The following ANAPC1 variants were observed in gnomAD, a reference collection of about 807,000 sequenced individuals.
The protein encoded by ANAPC1 is anaphase promoting complex subunit 1, also known as anaphase-promoting complex subunit 1.
A neutral mutation model predicts 208.0 loss-of-function variants in ANAPC1; 36 were observed. The ratio of observed to expected loss-of-function variants is 0.17; its 90% CI spans 0.13 to 0.23. ANAPC1 has a LOEUF of 0.23. Ranked by LOEUF, ANAPC1 falls within the 10% of genes least tolerant of loss-of-function variation. ANAPC1 has a pLI of 1.00. For missense variants in ANAPC1, 942 were observed against 2,011.6 expected (o/e 0.47, Z 10.17); for synonymous variants, 378 against 695.2 (o/e 0.54, Z 7.18).
chr2:111,840,879 C>T (rs1680725444), intron 17 of ANAPC1, among the ~76,000 whole-genome samples: 1 of 152,102 alleles, frequency 6.6e-6, no homozygotes, highest in Non-Finnish European at 1.5e-5. Context: ...CCCGTCTCTA[C>T]TAAAAATAAA....
At chr2:111,788,011 TGA>T (rs1179191546) in intron 39 of ANAPC1, among the ~76,000 whole-genome samples, 1 of 151,100 alleles carries the variant, frequency 6.6e-6, no homozygotes, top group African/African-American at 2.4e-5. Context: ...TCTATAGATC[TGA>T]GAATGGTGGA....
At chr2:111,837,795 C>T (rs576859702) in intron 18 of ANAPC1, among the ~76,000 whole-genome samples, 12 of 151,884 alleles carry the variant, frequency 7.9e-5, no homozygotes, top group African/African-American at 2.7e-4. Context: ...AAGAATAATA[C>T]CATGGAGGCC....
intron 42 of ANAPC1, among the ~76,000 whole-genome samples, 200 bp from the exon 43 acceptor site, chr2:111,782,707 G>A (rs1274643930): frequency 6.6e-6 from 1 of 152,142 alleles, no homozygotes; most frequent in African/African-American, 2.4e-5. Flanking sequence ...TTGGTGTCTA[G>A]ATTCATGGAA....
chr2:111,781,121 C>CTT (rs1338604431), intron 43 of ANAPC1, among the ~76,000 whole-genome samples: 1 of 148,116 alleles, frequency 6.8e-6, no homozygotes, highest in Non-Finnish European at 1.5e-5. Context: ...AACAGTATCA[C>CTT]TCAAGGTTCA....
At chr2:111,857,468 A>G (rs1242811155) in intron 11 of ANAPC1, among the ~76,000 whole-genome samples, 4 of 152,272 alleles carry the variant, frequency 2.6e-5, no homozygotes, top group African/African-American at 7.2e-5. Flanking sequence ...ATCAGAATGC[A>G]TTAGAGAAAA....
At chr2:111,767,217 G>T (rs2104443795), downstream of ANAPC1, among the ~76,000 whole-genome samples, 1 of 150,722 alleles carries the variant, frequency 6.6e-6, no homozygotes, top group Admixed American at 6.6e-5. Flanking sequence ...TCCCAGTCCT[G>T]GGCACATGAG....
At chr2:111,788,408 T>C (rs187717733) in intron 38 of ANAPC1, 88 bp from the exon 39 acceptor site, 3 of 1,543,810 alleles carry the variant, frequency 1.9e-6, no homozygotes, top group South Asian at 2.4e-5. Context: ...AACTGGTGTA[T>C]AATAGTAAGG....
intron 46 of ANAPC1, among the ~76,000 whole-genome samples, chr2:111,774,979 T>G (rs1387122846): frequency 6.6e-6 from 1 of 151,940 alleles, no homozygotes; most frequent in Non-Finnish European, 1.5e-5. Context: ...TACAAAACAT[T>G]TATATAGGCC....
chr2:111,836,529 T>C (rs1330725217), intron 18 of ANAPC1, among the ~76,000 whole-genome samples: 1 of 150,762 alleles, frequency 6.6e-6, no homozygotes, highest in Non-Finnish European at 1.5e-5. Context: ...ATACCGGTAG[T>C]CCTAGCTACT....
At chr2:111,821,887 T>C (rs1679556745) in intron 25 of ANAPC1, 1 of 218,058 alleles carries the variant, frequency 4.6e-6, no homozygotes, top group Non-Finnish European at 9.3e-6. Flanking sequence ...GAGGGATAGC[T>C]TAAGACATGT....
chr2:111,880,269 G>A (rs1683231239), intron 2 of ANAPC1, among the ~76,000 whole-genome samples: 1 of 152,050 alleles, frequency 6.6e-6, no homozygotes, highest in Admixed American at 6.6e-5. Context: ...CTACTCGGGA[G>A]GCTGAAGCAG....
At chr2:111,775,319 A>G (rs1013668352) in intron 46 of ANAPC1, among the ~76,000 whole-genome samples, 2 of 152,230 alleles carry the variant, frequency 1.3e-5, no homozygotes, top group African/African-American at 2.4e-5. Context: ...CTGCATTTTC[A>G]GATTAGTGTA....
downstream of ANAPC1, among the ~76,000 whole-genome samples, chr2:111,767,274 G>A (rs1676496407): frequency 6.6e-6 from 1 of 151,630 alleles, no homozygotes; most frequent in African/African-American, 2.4e-5. Flanking sequence ...AACAGGAAAT[G>A]ATGTGTGCTA....
chr2:111,842,695 T>C (rs1437528635), intron 17 of ANAPC1, among the ~76,000 whole-genome samples: 2 of 150,428 alleles, frequency 1.3e-5, no homozygotes, highest in Non-Finnish European at 3.0e-5. Flanking sequence ...ACATATAGAA[T>C]GGTACAGCTG....
chr2:111,773,279 C>G (rs1414583246), intron 46 of ANAPC1, among the ~76,000 whole-genome samples: 1 of 152,138 alleles, frequency 6.6e-6, no homozygotes, highest in Non-Finnish European at 1.5e-5. Context: ...CTCCTAGAAG[C>G]AACTCTATTC....
intron 17 of ANAPC1, among the ~76,000 whole-genome samples, chr2:111,840,586 T>C (rs1353448911): frequency 6.6e-6 from 1 of 152,192 alleles, no homozygotes; most frequent in Non-Finnish European, 1.5e-5. Context: ...CACAACAATC[T>C]GTACTCATCA....
chr2:111,877,736 ATCATGCCACTGCAC>A (rs1366091403), intron 3 of ANAPC1, among the ~76,000 whole-genome samples: 1 of 152,174 alleles, frequency 6.6e-6, no homozygotes, highest in Non-Finnish European at 1.5e-5. Flanking sequence ...GTGAGCTGAG[ATCATGCCACTGCAC>A]TCCAGCCTGG....
intron 21 of ANAPC1, among the ~76,000 whole-genome samples, chr2:111,826,277 G>T (rs1193980592): frequency 1.3e-5 from 2 of 152,132 alleles, no homozygotes; most frequent in African/African-American, 4.8e-5. Flanking sequence ...GACAAATGTT[G>T]TATCACATAA....
At chr2:111,828,853 G>C (rs1679975334) in intron 21 of ANAPC1, among the ~76,000 whole-genome samples, 1 of 152,146 alleles carries the variant, frequency 6.6e-6, no homozygotes, top group Non-Finnish European at 1.5e-5. Flanking sequence ...AAAAAGTCTT[G>C]GGTACGGACA....
Sources: allele counts gnomAD v4.1 joint callset (sites outside exome capture counted in the v4.1 genomes callset), GRCh38; gene constraint gnomAD v4.1.1; transcripts MANE v1.5; gene names NCBI Gene and HGNC (gene_info 2026-07-23, HGNC 2026-07-21).